TRAPPC11: variants seen among roughly 807,000 people sequenced by gnomAD.
TRAPPC11 encodes foie gras homolog.
A neutral mutation model predicts 151.2 loss-of-function variants in TRAPPC11; 104 were observed. That is an observed-to-expected ratio of 0.69 (90% CI 0.59 to 0.81). The LOEUF (loss-of-function observed/expected upper bound fraction) is 0.81, where lower values mean the gene tolerates loss of function less well. Among genes scored for constraint, TRAPPC11 ranks in the 30% least tolerant of loss-of-function variants. The pLI, the probability that TRAPPC11 is intolerant of heterozygous loss-of-function variation, is 0.00. For synonymous variants in TRAPPC11, 456 were observed against 472.3 expected (o/e 0.97, Z 0.45); for missense variants, 1,230 against 1,349.6 (o/e 0.91, Z 1.39).
intron 18 of TRAPPC11, among the ~76,000 whole-genome samples, chr4:183,687,303 A>G (rs146458651): frequency 3.3e-5 from 5 of 150,952 alleles, no homozygotes; most frequent in African/African-American, 9.7e-5. Flanking sequence ...GTGTGTGTAT[A>G]TATATATATA....
chr4:183,710,487 C>T (rs1405469132), intron 29 of TRAPPC11, among the ~76,000 whole-genome samples: 1 of 151,502 alleles, frequency 6.6e-6, no homozygotes. Flanking sequence ...GGGGTTTCAC[C>T]ATGTTAGCCA....
chr4:183,704,554 C>T (rs1004048552), intron 26 of TRAPPC11, among the ~76,000 whole-genome samples: 2 of 150,410 alleles, frequency 1.3e-5, no homozygotes, highest in African/African-American at 4.9e-5. Flanking sequence ...AGGCGCATGC[C>T]TGTAATCCCA....
intron 5 of TRAPPC11, among the ~76,000 whole-genome samples, chr4:183,671,361 T>C (rs985329090): frequency 6.6e-6 from 1 of 152,190 alleles, no homozygotes; most frequent in Non-Finnish European, 1.5e-5. Context: ...CGGGACAGTA[T>C]TGAAGCAGTG....
At chr4:183,687,475 C>T (rs1037052994) in intron 18 of TRAPPC11, among the ~76,000 whole-genome samples, 3 of 151,960 alleles carry the variant, frequency 2.0e-5, no homozygotes, top group Non-Finnish European at 4.4e-5. Flanking sequence ...ACTACAGGCA[C>T]CTGCCACCAC....
chr4:183,684,474 A>T lies in TRAPPC11; in HGVS notation c.1421+115A>T, dbSNP rs1735862340. On this transcript the variant is annotated intron_variant, in intron 14 of 29. Transcript: ENST00000334690. ...TTCATATTTATTTCTATTGTTGTTA[A>T]ACTCCATTTCTGTAATGTTTTTTTC... 1.8e-6 allele frequency: 2 copies of T among 1,114,932 alleles called. 1 individual carries two copies. Among genetic ancestry groups the T allele is most frequent in the South Asian group, 3.0e-5 (2 of 66,294 alleles). The allele number at this position is 1,114,932 out of a possible 1,614,324, so 69.1% of individuals were successfully genotyped here. A position where few individuals can be genotyped will look rare whatever the true frequency, so the allele number is the denominator to read the frequency against.
chr4:183,675,289 A>G, intron 7 of TRAPPC11, 52 bp downstream of exon 7: 1 of 1,165,572 alleles, frequency 8.6e-7, no homozygotes, highest in Non-Finnish European at 1.2e-6. Flanking sequence ...TAACAATAAC[A>G]TGTGATGGAA....
intron 5 of TRAPPC11, among the ~76,000 whole-genome samples, chr4:183,673,863 G>C (rs183076899): frequency 6.6e-6 from 1 of 152,192 alleles, no homozygotes; most frequent in Non-Finnish European, 1.5e-5. Flanking sequence ...AGCTTGAGTT[G>C]TGTATCCATC....
chr4:183,659,569 ACTTCT>A (rs1734355205), intron 1 of TRAPPC11, 122 bp downstream of exon 1: 1 of 152,302 alleles, frequency 6.6e-6, no homozygotes, highest in South Asian at 2.1e-4. Context: ...CAATCCTGGC[ACTTCT>A]CTTTTAGACC....
chr4:183,662,439 G>A (rs992095992), intron 1 of TRAPPC11, among the ~76,000 whole-genome samples: 6 of 151,132 alleles, frequency 4.0e-5, no homozygotes, highest in Non-Finnish European at 5.9e-5. Flanking sequence ...AGTCTTGTTC[G>A]GGATAAACAT....
Position 183,693,987 on chromosome 4 carries a change from C to T in TRAPPC11, c.2457C>T (p.Tyr819=), listed in dbSNP as rs759168944. The T allele has an allele frequency of 8.1e-6, 13 of 1,614,030 alleles. No individual in the cohort carries two copies. The East Asian group carries it at 2.9e-4, about 36-fold the overall frequency. The change falls in exon 22 of 30, where the codon TAC becomes TAT. Residue 819 remains tyrosine (Y), a synonymous_variant. Coordinates refer to ENST00000334690, the MANE Select transcript of TRAPPC11 (RefSeq NM_021942.6). ...LHGTELCDES[Y]PALLTDIPVG... ...GAACAGAACTGTGTGATGAATCCTA[C>T]CCGGCTTTACTCACTGACATTCCTG...
chr4:183,706,522 C>CTCA, intron 27 of TRAPPC11, among the ~76,000 whole-genome samples: 1 of 109,728 alleles, frequency 9.1e-6, no homozygotes, highest in South Asian at 2.9e-4. Flanking sequence ...GACTCCGCCT[C>CTCA]AAAAAAAAAA....
chr4:183,663,834 A>T lies in TRAPPC11; in HGVS notation c.-21-13A>T. ...AAAAATTAATTATGAATGTATTAAC[A>T]TTTGTATTTCAGGTTTTTTGTGACA... On this transcript the variant is annotated splice_polypyrimidine_tract_variant and intron_variant, in intron 1 of 29. Coordinates refer to ENST00000334690, the MANE Select transcript of TRAPPC11 (RefSeq NM_021942.6). The T allele has an allele frequency of 6.4e-7, 1 of 1,566,820 alleles. No individual in the cohort carries two copies. Among genetic ancestry groups the T allele is most frequent in the Non-Finnish European group, 8.8e-7 (1 of 1,139,662 alleles).
At position 183,712,728 on chromosome 4, in the gene TRAPPC11, C is replaced by G. The variant is rs1304821829; in HGVS notation, c.*84C>G. ...TTTCATTGTGAACTCTAGCTTTGAT[C>G]ATGGTAAAAAGTTAACCTTTTCTAT... On this transcript the variant is annotated 3_prime_UTR_variant, in exon 30 of 30. Transcript: ENST00000334690. 2.1e-6 allele frequency: 3 copies of G among 1,402,932 alleles called. No homozygotes were observed. Among genetic ancestry groups the G allele is most frequent in the Non-Finnish European group, 3.0e-6 (3 of 994,280 alleles). 86.9% of individuals were successfully genotyped at this position (1,402,932 alleles called of 1,614,324 possible). A position where few individuals can be genotyped will look rare whatever the true frequency, so the allele number is the denominator to read the frequency against.
chr4:183,682,850 T>A (rs1735769260), intron 11 of TRAPPC11, 25 bp downstream of exon 11: 2 of 1,521,860 alleles, frequency 1.3e-6, no homozygotes, highest in African/African-American at 2.7e-5. Flanking sequence ...CCTCTGTCCT[T>A]TCCTCTCAAC....
intron 2 of TRAPPC11, 49 bp downstream of exon 2, chr4:183,664,120 G>A: frequency 6.8e-7 from 1 of 1,461,296 alleles, no homozygotes; most frequent in Non-Finnish European, 9.5e-7. Flanking sequence ...CTCTCTATGT[G>A]TGTGTGTGTG....
intron 19 of TRAPPC11, among the ~76,000 whole-genome samples, chr4:183,692,703 C>A (rs1400020922): frequency 1.3e-5 from 2 of 152,168 alleles, no homozygotes; most frequent in African/African-American, 4.8e-5. Context: ...CATAACACTA[C>A]TGTGCAATCA....
intron 29 of TRAPPC11, among the ~76,000 whole-genome samples, chr4:183,712,222 A>G (rs918837644): frequency 2.0e-5 from 3 of 152,242 alleles, no homozygotes; most frequent in African/African-American, 7.2e-5. Flanking sequence ...TAAAACTATC[A>G]GTTAAGTAGG....
chr4:183,663,400 A>AT (rs1734663474), intron 1 of TRAPPC11, among the ~76,000 whole-genome samples: 1 of 152,068 alleles, frequency 6.6e-6, no homozygotes, highest in African/African-American at 2.4e-5. Context: ...CGCCCGGCTA[A>AT]TTTTTTGGAT....
intron 10 of TRAPPC11, 120 bp from the exon 11 acceptor site, chr4:183,682,611 AT>A: frequency 2.2e-6 from 1 of 447,716 alleles, no homozygotes; most frequent in Non-Finnish European, 4.0e-6. Context: ...AAATTTGATA[AT>A]TGAATATATA....
Sources: gnomAD v4.1 joint callset for allele counts (sites outside exome capture counted in the v4.1 genomes callset) on GRCh38, gnomAD v4.1.1 for gene constraint, MANE v1.5 for transcripts, NCBI Gene and HGNC (gene_info 2026-07-23, HGNC 2026-07-21) for gene names.